The following CENATAC variants were observed in gnomAD, a reference collection of about 807,000 sequenced individuals.
The protein encoded by CENATAC is centrosomal AT-AC splicing factor, also known as coiled-coil domain containing 84.
A neutral mutation model predicts 53.7 loss-of-function variants in CENATAC; 53 were observed. The ratio of observed to expected loss-of-function variants is 0.99; its 90% CI spans 0.79 to 1.24. The LOEUF (loss-of-function observed/expected upper bound fraction) is 1.24, where lower values mean the gene tolerates loss of function less well. Ranked by LOEUF, CENATAC falls within the 50% of genes most tolerant of loss-of-function variation. The probability of loss-of-function intolerance (pLI) is 0.00; values close to 1 mark genes in which losing one functional copy is unlikely to be tolerated. For missense variants in CENATAC, 474 were observed against 417.8 expected, an observed-to-expected ratio of 1.13 and a Z score of -1.17; for synonymous variants, 156 against 144.6, an observed-to-expected ratio of 1.08 and a Z score of -0.57.
At chr11:119,013,024 A>G in intron 7 of CENATAC, 2 of 500,338 alleles carry the variant, frequency 4.0e-6, no homozygotes, top group Non-Finnish European at 7.2e-6. Flanking sequence ...CTCCACTGTT[A>G]TGACTGTGAG....
Position 119,015,262 on chromosome 11 carries a change from TATTCTTCAATA to T in CENATAC, c.806-43_806-33del, listed in dbSNP as rs782276249. ...ACAACATAGTGAGACCCCATCTCTA[TATTCTTCAATA>T]AAGAAAAATAAAAGTTTCCCTATCA... is the stretch of plus-strand genomic sequence containing the variant. On this transcript the variant is annotated intron_variant, in intron 9 of 10. Transcript: ENST00000334418. The T allele has an allele frequency of 1.3e-5, 21 of 1,561,304 alleles. No individual in the cohort carries two copies. In the East Asian group the frequency reaches 4.3e-4, roughly 32 times the overall value.
At position 119,011,961 on chromosome 11, in the gene CENATAC, A is replaced by G. The variant is rs1942890094; in HGVS notation, c.536A>G (p.Glu179Gly). The G allele has an allele frequency of 1.2e-6, 2 of 1,614,140 alleles. No homozygotes were observed. The highest frequency in any genetic ancestry group is 1.7e-6 in the Non-Finnish European group (2 of 1,180,006). ...CAGCCTCAGGCAGTGCCAGACCCAG[A>G]AGAGGGCTCTTCAGCACCTAGAAGC... Reference protein sequence around the residue: ...VLEPQAVPDPEEGSSAPRSWK... With the variant: ...VLEPQAVPDPGEGSSAPRSWK... The change falls in exon 6 of 11, where the codon GAA becomes GGA. Residue 179 changes from glutamate (E) to glycine (G), a missense_variant. By Grantham distance (98) the Glu-to-Gly change is moderately conservative (BLOSUM62 -2). Transcript: ENST00000334418.
At chr11:119,008,125 C>A (rs1942690593) in intron 3 of CENATAC, among the ~76,000 whole-genome samples, 1 of 152,140 alleles carries the variant, frequency 6.6e-6, no homozygotes, top group African/African-American at 2.4e-5. Context: ...TGCCCCTCCA[C>A]ACCTGTGGGT....
Position 119,015,775 on chromosome 11 carries a change from A to G in CENATAC, c.*177A>G, listed in dbSNP as rs144776371. 28 of 1,330,400 alleles carry G rather than the reference A, an allele frequency of 2.1e-5. No homozygotes were observed. Among genetic ancestry groups the G allele is most frequent in the Non-Finnish European group, 2.7e-5 (25 of 939,088 alleles). 82.4% of individuals were successfully genotyped at this position (1,330,400 alleles called of 1,614,324 possible). A position where few individuals can be genotyped will look rare whatever the true frequency, so the allele number is the denominator to read the frequency against. ...TGGTTGGACCTGTAAAAAAAAATTA[A>G]AAGAATCAGAACCATAAAGCTTTGT... On this transcript the variant is annotated 3_prime_UTR_variant, in exon 11 of 11. Coordinates refer to ENST00000334418, the MANE Select transcript of CENATAC (RefSeq NM_198489.3).
intron 3 of CENATAC, chr11:119,003,386 T>C: frequency 1.9e-6 from 1 of 520,762 alleles, no homozygotes; most frequent in East Asian, 5.0e-5. Flanking sequence ...CTTCTTGGCC[T>C]TCAGAGCCTT....
intron 8 of CENATAC, chr11:119,014,790 C>T (rs1943068720): frequency 2.4e-6 from 1 of 422,030 alleles, no homozygotes; most frequent in Non-Finnish European, 4.2e-6. Flanking sequence ...TCAGTTGTGC[C>T]TCAAAGCCAT....
intron 3 of CENATAC, chr11:119,003,137 T>G (rs1407437552): frequency 2.9e-4 from 95 of 325,768 alleles, no homozygotes; most frequent in Middle Eastern, 9.5e-4. Context: ...TCATAGAGCT[T>G]CTCTGGTGCT....
At chr11:119,006,939 C>T (rs1396513974) in intron 3 of CENATAC, among the ~76,000 whole-genome samples, 1 of 152,200 alleles carries the variant, frequency 6.6e-6, no homozygotes, top group East Asian at 1.9e-4. Flanking sequence ...ATGCCTTTCA[C>T]CTTCTGCTGT....
In CENATAC at chr11:119,012,207, C is replaced by T. The variant is rs1942900045; in HGVS notation, c.637C>T (p.Leu213Phe). The T allele has an allele frequency of 1.2e-6, 2 of 1,614,032 alleles. No individual in the cohort carries two copies. Among genetic ancestry groups the T allele is most frequent in the East Asian group, 2.2e-5 (1 of 44,892 alleles). ...TTTGGACCTGCCACCAGCTCCAGAG[C>T]TTGACTGGATGGAGACAGGACCATC... The part of the protein sequence containing the change: ...SNLDLPPAPE[L>F]DWMETGPSLT... Residue 213 changes from leucine to phenylalanine, a missense_variant, in exon 7 of 11, where the codon CTT (leucine) becomes TTT (phenylalanine). Coordinates refer to ENST00000334418, the MANE Select transcript of CENATAC (RefSeq NM_198489.3).
intron 3 of CENATAC, chr11:119,003,586 C>G: frequency 4.6e-6 from 1 of 217,334 alleles, no homozygotes; most frequent in Non-Finnish European, 9.3e-6. Context: ...GCGTGAGCCA[C>G]TGCACCCGGC....
Position 119,013,762 on chromosome 11 carries a change from C to CT in CENATAC, c.715+515dup, listed in dbSNP as rs561450474. Among the ~76,000 whole-genome samples, 571 of 141,014 alleles carry CT rather than the reference C, an allele frequency of 4.0e-3. 10 individuals carry two copies. In the East Asian group the frequency reaches 0.047, roughly 12 times the overall value. The allele number at this position is 141,014 out of a possible 152,430, so 92.5% of individuals were successfully genotyped here. On this transcript the variant is annotated intron_variant, in intron 8 of 10. Coordinates refer to ENST00000334418, the MANE Select transcript of CENATAC (RefSeq NM_198489.3). ...ACAGGCATGAGCCACCGTGCCCGGA[C>CT]TTTTTTTTTTTTTTTAAATAAAGTT...
Position 119,001,424 on chromosome 11 carries a change from C to G in CENATAC, c.383+2315C>G, listed in dbSNP as rs534549728. 1.9e-3 allele frequency among the ~76,000 whole-genome samples: 293 copies of G among 151,060 alleles called. 1 individual carries two copies. The highest frequency in any genetic ancestry group is 6.8e-3 in the African/African-American group (279 of 41,072). Reference sequence around the variant, plus strand: ...TTTTTTTTTTGGAGAGGGAGTTTTGCTTTGTCACCCAGGGTGGAGTACAGT... The same window carrying G: ...TTTTTTTTTTGGAGAGGGAGTTTTGGTTTGTCACCCAGGGTGGAGTACAGT... On this transcript the variant is annotated intron_variant, in intron 3 of 10. Transcript: ENST00000334418.
At chr11:119,001,766 T>G (rs1327632479) in intron 3 of CENATAC, 7 of 440,840 alleles carry the variant, frequency 1.6e-5, no homozygotes, top group Non-Finnish European at 2.8e-5. Flanking sequence ...ATCAAGAAAC[T>G]AATGAAACTG....
At chr11:119,006,238 C>CT (rs369673711) in intron 3 of CENATAC, among the ~76,000 whole-genome samples, 30,132 of 126,850 alleles carry the variant, frequency 0.24, 3,872 homozygotes, top group Middle Eastern at 0.37. Flanking sequence ...CACACCCAAC[C>CT]TTTTTTTTTT....
At chr11:119,008,282 T>C (rs1942701489) in intron 3 of CENATAC, among the ~76,000 whole-genome samples, 1 of 152,206 alleles carries the variant, frequency 6.6e-6, no homozygotes, top group Admixed American at 6.5e-5. Flanking sequence ...TCAGTTTTTA[T>C]TGATTATTAT....
chr11:119,010,875 G>A (rs1565667505), intron 4 of CENATAC, 45 bp downstream of exon 4: 2 of 1,576,160 alleles, frequency 1.3e-6, no homozygotes, highest in East Asian at 4.5e-5. Flanking sequence ...ACCAGGGGCT[G>A]GTTTCGTGGA....
In CENATAC at chr11:118,999,057, G is replaced by A. The variant is rs977907421; in HGVS notation, c.331G>A (p.Ala111Thr). 1 of 1,614,186 alleles carries A rather than the reference G, an allele frequency of 6.2e-7. No homozygotes were observed. Among genetic ancestry groups the A allele is most frequent in the African/African-American group, 1.3e-5 (1 of 75,048 alleles). The change falls in exon 3 of 11, where the codon GCT (alanine) becomes ACT (threonine). Residue 111 changes from alanine (A) to threonine (T), a missense_variant. Physicochemically the swap from Ala to Thr is moderately conservative, Grantham distance 58. Transcript: ENST00000334418. ...ATNKFWWENK[A>T]EVQMKEKFLV... Reference sequence around the variant, plus strand: ...CAACAAATTCTGGTGGGAGAACAAAGCTGAGGTCCAGATGAAAGAGAAGTT... The same window carrying A: ...CAACAAATTCTGGTGGGAGAACAAAACTGAGGTCCAGATGAAAGAGAAGTT...
rs10680026 is a variant in CENATAC at position 119,014,958 on chromosome 11, T to TAAAAA, written c.716-24_716-20dup. On this transcript the variant is annotated intron_variant, in intron 8 of 10. Transcript: ENST00000334418. ...CATGTTTCACAATAGCCTGAAGACT[T>TAAAAA]AAAAAAAAAAAAAAAAGCCTTAATT... is the stretch of plus-strand genomic sequence containing the variant. 4,061 of 1,168,410 alleles carry TAAAAA rather than the reference T, an allele frequency of 3.5e-3. 6 individuals carry two copies. Among genetic ancestry groups the TAAAAA allele is most frequent in the Non-Finnish European group, 3.9e-3 (3,243 of 838,258 alleles). The allele number at this position is 1,168,410 out of a possible 1,614,324, so 72.4% of individuals were successfully genotyped here.
chr11:118,998,589 G>A lies in CENATAC; in HGVS notation c.280G>A (p.Ala94Thr). The A allele has an allele frequency of 2.6e-6, 4 of 1,561,202 alleles. No homozygotes were observed. The highest frequency in any genetic ancestry group is 3.5e-6 in the Non-Finnish European group (4 of 1,152,030). ...VLYGGLLEHL[A>T]SPEHKKATNK... ...GTACGGGGGGCTGCTGGAGCATCTG[G>A]CCAGGTGAGAGCCGAGCTAGGAGCC... The change falls in exon 2 of 11, where the codon GCC becomes ACC. Residue 94 changes from alanine (A) to threonine (T), a missense_variant. Physicochemically the swap from Ala to Thr is moderately conservative, Grantham distance 58. Transcript: ENST00000334418.
Sources: allele counts gnomAD v4.1 joint callset (sites outside exome capture counted in the v4.1 genomes callset), GRCh38; gene constraint gnomAD v4.1.1; transcripts MANE v1.5; gene names NCBI Gene and HGNC (gene_info 2026-07-23, HGNC 2026-07-21).